Variants in IGSF3 observed in about 807,000 individuals in gnomAD.
IGSF3 encodes the protein immunoglobulin superfamily member 3, also known as glu-Trp-Ile EWI motif-containing protein 3.
Under a neutral mutation model 114.4 loss-of-function variants are expected in IGSF3, and 23 were observed. The ratio of observed to expected loss-of-function variants is 0.20; its 90% confidence interval spans 0.14 to 0.28. The LOEUF (loss-of-function observed/expected upper bound fraction) is 0.28. Among genes scored for constraint, IGSF3 ranks in the 10% least tolerant of loss-of-function variants. The probability of loss-of-function intolerance (pLI) is 1.00; values close to 1 mark genes in which losing one functional copy is unlikely to be tolerated. For synonymous variants in IGSF3, 571 were observed against 645.2 expected, an observed-to-expected ratio of 0.88 and a Z score of 1.74; for missense variants, 1,172 against 1,591.5, an observed-to-expected ratio of 0.74 and a Z score of 4.48.
Position 116,655,900 on chromosome 1 carries a change from C to A in IGSF3, c.43+10384G>T, listed in dbSNP as rs1648825121. 6.6e-6 allele frequency among the ~76,000 whole-genome samples: 1 copy of A among 152,052 alleles called. No individual in the cohort carries two copies. Among genetic ancestry groups the A allele is most frequent in the South Asian group, 2.1e-4 (1 of 4,820 alleles). On this transcript the variant is annotated intron_variant, in intron 2 of 10. Transcript: ENST00000369486. The surrounding 1 kb of genome is among the most constrained non-coding windows in gnomAD (Gnocchi z 4.3). ...AGAATAAACAAGTCAATTATTCTCA[C>A]TAAATACATTAAAATTTAAGGGTAA...
chr1:116,621,451 T>A lies in IGSF3; in HGVS notation c.44-4994A>T, dbSNP rs552652455. ...TGTAGGGATCACAGGCATGAGCCAC[T>A]GAACCTGCCCCTTTCCCCCCAACAA... On this transcript the variant is annotated intron_variant, in intron 2 of 10. Coordinates refer to ENST00000369486, the MANE Select transcript of IGSF3 (RefSeq NM_001007237.3). Among the ~76,000 whole-genome samples, 10 of 152,340 alleles carry A rather than the reference T, an allele frequency of 6.6e-5. No individual in the cohort carries two copies. In the South Asian group the frequency reaches 1.7e-3, roughly 25 times the overall value.
intron 2 of IGSF3, among the ~76,000 whole-genome samples, chr1:116,656,507 G>T (rs1166714547): frequency 1.3e-5 from 2 of 151,866 alleles, no homozygotes; most frequent in Non-Finnish European, 1.5e-5. Context: ...AGCCAGGATG[G>T]TCTCAATCTG....
At chr1:116,591,742 T>C (rs1302914434) in intron 7 of IGSF3, among the ~76,000 whole-genome samples, 3 of 152,242 alleles carry the variant, frequency 2.0e-5, no homozygotes, top group South Asian at 4.1e-4. Flanking sequence ...AATCTCCACA[T>C]ATAATTAGGG....
chr1:116,635,877 A>G (rs1482213543), intron 2 of IGSF3, among the ~76,000 whole-genome samples: 1 of 152,024 alleles, frequency 6.6e-6, no homozygotes, highest in Non-Finnish European at 1.5e-5. Context: ...CTGCTAGGGA[A>G]CCTTCCTCAG....
chr1:116,613,322 G>A (rs1212508560), intron 4 of IGSF3, among the ~76,000 whole-genome samples: 1 of 152,160 alleles, frequency 6.6e-6, no homozygotes, highest in Admixed American at 6.5e-5. Context: ...GACCTTGGAT[G>A]GAAGTCTCAT....
chr1:116,608,417 C>A, intron 4 of IGSF3, 86 bp from the exon 5 acceptor site: 1 of 920,798 alleles, frequency 1.1e-6, no homozygotes, highest in East Asian at 2.5e-5. Flanking sequence ...TCCCACTATC[C>A]TTCCTCTTCT....
chr1:116,585,559 G>C lies in IGSF3; in HGVS notation c.2441-507C>G, dbSNP rs1659805155. On this transcript the variant is annotated intron_variant, in intron 8 of 10. Coordinates refer to ENST00000369486, the MANE Select transcript of IGSF3 (RefSeq NM_001007237.3). The surrounding 1 kb of genome is among the most constrained non-coding windows in gnomAD (Gnocchi z 4.9). The stretch of plus-strand genomic sequence containing the variant: ...TCATGTGTTAGCCCTACGAATTGTA[G>C]TCCAACATCCTTACAAAAACCCACA... Among the ~76,000 whole-genome samples the C allele has an allele frequency of 6.6e-6, 1 of 152,224 alleles. No homozygotes were observed. Among genetic ancestry groups the C allele is most frequent in the African/African-American group, 2.4e-5 (1 of 41,460 alleles).
Position 116,649,061 on chromosome 1 carries a change from C to A in IGSF3, c.43+17223G>T, listed in dbSNP as rs1388361299. Among the ~76,000 whole-genome samples the A allele has an allele frequency of 2.0e-5, 3 of 152,258 alleles. No individual in the cohort carries two copies. Among genetic ancestry groups the A allele is most frequent in the African/African-American group, 7.2e-5 (3 of 41,464 alleles). On this transcript the variant is annotated intron_variant, in intron 2 of 10. Transcript: ENST00000369486. The surrounding 1 kb of genome is among the most constrained non-coding windows in gnomAD (Gnocchi z 4.5). ...AAGACCACATACCACCCAGACCCAA[C>A]ACAAATAGCTGTCAGCACTGCCACC...
rs948348384 is a variant in IGSF3, at chr1:116,634,099, G to A, written c.44-17642C>T. On this transcript the variant is annotated intron_variant, in intron 2 of 10. Transcript: ENST00000369486. This position sits in a 1 kb window ranked among gnomAD's most constrained non-coding sequence, Gnocchi z 4.2. ...AAACCAGTAACGGTGATGGTCTCTG[G>A]AAGAATTAGGTCAGAAGCAGACTTA... 2.6e-5 allele frequency among the ~76,000 whole-genome samples: 4 copies of A among 152,226 alleles called. No homozygotes were observed. The highest frequency in any genetic ancestry group is 1.5e-5 in the Non-Finnish European group (1 of 68,040).
chr1:116,621,359 A>T (rs1250138441), intron 2 of IGSF3, among the ~76,000 whole-genome samples: 1 of 152,128 alleles, frequency 6.6e-6, no homozygotes, highest in African/African-American at 2.4e-5. Context: ...ATAGGGTCTC[A>T]CTGTGTTGCC....
chr1:116,637,542 C>A (rs996767045), intron 2 of IGSF3, among the ~76,000 whole-genome samples: 9 of 152,184 alleles, frequency 5.9e-5, no homozygotes, highest in African/African-American at 1.9e-4. Flanking sequence ...AGTGGCCTGA[C>A]CAGCTTGTGG....
In IGSF3 at chr1:116,655,172, C is replaced by A. The variant is rs1318051206; in HGVS notation, c.43+11112G>T. 6.6e-6 allele frequency among the ~76,000 whole-genome samples: 1 copy of A among 152,120 alleles called. No individual in the cohort carries two copies. The highest frequency in any genetic ancestry group is 1.9e-4 in the East Asian group (1 of 5,198). On this transcript the variant is annotated intron_variant, in intron 2 of 10. Coordinates refer to ENST00000369486, the MANE Select transcript of IGSF3 (RefSeq NM_001007237.3). The surrounding 1 kb of genome is among the most constrained non-coding windows in gnomAD (Gnocchi z 4.3). Reference sequence around the variant, plus strand: ...GATTTTAACTGTGAATTCTGTGGCACCGGAGATAACAGAACAATGAATGCT... The same window carrying A: ...GATTTTAACTGTGAATTCTGTGGCAACGGAGATAACAGAACAATGAATGCT...
Position 116,588,035 on chromosome 1 carries a change from A to G in IGSF3, c.2440+659T>C, listed in dbSNP as rs890935036. ...CTTTGGTTGTTCCAGGGGCAGATCT[A>G]AAAAGGGAAATTACAGGAAAGTGAA... On this transcript the variant is annotated intron_variant, in intron 8 of 10. Coordinates refer to ENST00000369486, the MANE Select transcript of IGSF3 (RefSeq NM_001007237.3). This position sits in a 1 kb window ranked among gnomAD's most constrained non-coding sequence, Gnocchi z 4.9. Among the ~76,000 whole-genome samples, 1 of 152,242 alleles carries G rather than the reference A, an allele frequency of 6.6e-6. No individual in the cohort carries two copies. The highest frequency in any genetic ancestry group is 2.4e-5 in the African/African-American group (1 of 41,466).
chr1:116,605,311 C>T lies in IGSF3; in HGVS notation c.1223-1286G>A, dbSNP rs565898509. Among the ~76,000 whole-genome samples, 1 of 151,920 alleles carries T rather than the reference C, an allele frequency of 6.6e-6. No individual in the cohort carries two copies. The highest frequency in any genetic ancestry group is 1.9e-4 in the East Asian group (1 of 5,130). On this transcript the variant is annotated intron_variant, in intron 5 of 10. Coordinates refer to ENST00000369486, the MANE Select transcript of IGSF3 (RefSeq NM_001007237.3). The surrounding 1 kb of genome is among the most constrained non-coding windows in gnomAD (Gnocchi z 5.1). ...AAATCTTTTCTCTCCTTTATTTCCC[C>T]AACAAGCAGAAACAAAGACGAGCAC...
chr1:116,614,256 C>A lies in IGSF3; in HGVS notation c.422-81G>T. 1 of 1,185,628 alleles carries A rather than the reference C, an allele frequency of 8.4e-7. No homozygotes were observed. Among genetic ancestry groups the A allele is most frequent in the South Asian group, 1.4e-5 (1 of 73,664 alleles). 73.4% of individuals were successfully genotyped at this position (1,185,628 alleles called of 1,614,324 possible). ...CCCAGGGCTAAGCTCCCATTCCACGCAGGCGTCACTGCACTGCGCCCCTAA... is the reference window on the plus strand; with the variant it reads ...CCCAGGGCTAAGCTCCCATTCCACGAAGGCGTCACTGCACTGCGCCCCTAA... On this transcript the variant is annotated intron_variant, in intron 3 of 10. Transcript: ENST00000369486. This position sits in a 1 kb window ranked among gnomAD's most constrained non-coding sequence, Gnocchi z 4.5.
Position 116,629,774 on chromosome 1 carries a change from T to C in IGSF3, c.44-13317A>G, listed in dbSNP as rs925906763. ...AGGTTTGACCTCATTTACTTTTTCT[T>C]AAAGCTGTTTAGCCGCTTTCCTAAA... On this transcript the variant is annotated intron_variant, in intron 2 of 10. Transcript: ENST00000369486. The surrounding 1 kb of genome is among the most constrained non-coding windows in gnomAD (Gnocchi z 4.3). Among the ~76,000 whole-genome samples the C allele has an allele frequency of 1.3e-5, 2 of 152,250 alleles. No individual in the cohort carries two copies. Among genetic ancestry groups the C allele is most frequent in the African/African-American group, 4.8e-5 (2 of 41,460 alleles).
intron 2 of IGSF3, among the ~76,000 whole-genome samples, chr1:116,646,184 A>C (rs1213908628): frequency 6.6e-6 from 1 of 152,204 alleles, no homozygotes; most frequent in East Asian, 1.9e-4. Context: ...ACACACTGTG[A>C]TTTGTTTCTG....
Position 116,629,074 on chromosome 1 carries a change from C to T in IGSF3, c.44-12617G>A, listed in dbSNP as rs1347989588. On this transcript the variant is annotated intron_variant, in intron 2 of 10. Coordinates refer to ENST00000369486, the MANE Select transcript of IGSF3 (RefSeq NM_001007237.3). The surrounding 1 kb of genome is among the most constrained non-coding windows in gnomAD (Gnocchi z 4.3). ...AGAAGGTACAAGAATGAGCACTATA[C>T]CATAGGGGGGTGGGTCACAAAAGCA... is the stretch of plus-strand genomic sequence containing the variant. Among the ~76,000 whole-genome samples the T allele has an allele frequency of 1.3e-5, 2 of 152,144 alleles. No homozygotes were observed. Among genetic ancestry groups the T allele is most frequent in the East Asian group, 1.9e-4 (1 of 5,202 alleles).
rs768435306 is a variant in IGSF3, at chr1:116,664,004, A to G, written c.43+2280T>C. Among the ~76,000 whole-genome samples the G allele has an allele frequency of 6.6e-6, 1 of 152,252 alleles. No individual in the cohort carries two copies. The highest frequency in any genetic ancestry group is 2.4e-5 in the African/African-American group (1 of 41,472). ...AACCAGACCACATCAGAAGACAAGC[A>G]GGAAATAAGACCCCAACATGGGTTT... is the stretch of plus-strand genomic sequence containing the variant. On this transcript the variant is annotated intron_variant, in intron 2 of 10. Coordinates refer to ENST00000369486, the MANE Select transcript of IGSF3 (RefSeq NM_001007237.3). This position sits in a 1 kb window ranked among gnomAD's most constrained non-coding sequence, Gnocchi z 4.6.
Sources: gnomAD v4.1 joint callset for allele counts (sites outside exome capture counted in the v4.1 genomes callset) on GRCh38, gnomAD v4.1.1 for gene constraint, Gnocchi (gnomAD v3.1) non-coding constraint, MANE v1.5 for transcripts, NCBI Gene and HGNC (gene_info 2026-07-23, HGNC 2026-07-21) for gene names.